The following KMT2C variants were observed in gnomAD, a reference collection of about 807,000 sequenced individuals.
KMT2C encodes the protein histone-lysine N-methyltransferase 2C.
KMT2C carries 88 observed loss-of-function variants against 507.9 expected under a neutral mutation model. The ratio of observed to expected loss-of-function variants is 0.17; its 90% CI spans 0.15 to 0.21. KMT2C has a LOEUF of 0.21. Ranked by LOEUF, KMT2C falls within the 10% of genes least tolerant of loss-of-function variation. The pLI, the probability that KMT2C is intolerant of heterozygous loss-of-function variation, is 1.00. For missense variants in KMT2C, 4,954 were observed against 5,957.8 expected, an observed-to-expected ratio of 0.83 and a Z score of 5.55; for synonymous variants, 2,049 against 2,080.8, an observed-to-expected ratio of 0.98 and a Z score of 0.42.
intron 6 of KMT2C, among the ~76,000 whole-genome samples, chr7:152,308,040 T>G (rs767012379): frequency 1.6e-4 from 25 of 152,232 alleles, no homozygotes; most frequent in Non-Finnish European, 2.6e-4. Context: ...ATCCAGTCTC[T>G]AAGAATGTTC....
chr7:152,166,243 T>A (rs1207935104), intron 42 of KMT2C, among the ~76,000 whole-genome samples: 4 of 151,018 alleles, frequency 2.6e-5, no homozygotes, highest in African/African-American at 9.8e-5. Flanking sequence ...TGCCTCAGCC[T>A]CCCAAATAGC....
At chr7:152,201,774 G>C (rs1468552158) in intron 26 of KMT2C, among the ~76,000 whole-genome samples, 1 of 151,852 alleles carries the variant, frequency 6.6e-6, no homozygotes, top group Non-Finnish European at 1.5e-5. Flanking sequence ...CAAAAAGTAA[G>C]GCACAGGCTA....
At chr7:152,245,647 G>C (rs2095460627) in intron 14 of KMT2C, among the ~76,000 whole-genome samples, 1 of 152,086 alleles carries the variant, frequency 6.6e-6, no homozygotes, top group African/African-American at 2.4e-5. Flanking sequence ...TCACAAACTA[G>C]ATCTTTCAGA....
chr7:152,381,774 A>C (rs2129250364), intron 1 of KMT2C, among the ~76,000 whole-genome samples: 1 of 152,322 alleles, frequency 6.6e-6, no homozygotes, highest in African/African-American at 2.4e-5. Flanking sequence ...AAACTGTGCT[A>C]AAAGCTTTGA....
chr7:152,233,128 A>G (rs1269904758), intron 16 of KMT2C, among the ~76,000 whole-genome samples: 1 of 152,232 alleles, frequency 6.6e-6, no homozygotes, highest in Non-Finnish European at 1.5e-5. Flanking sequence ...ATATTTAAAT[A>G]ATAAGTGCAG....
intron 9 of KMT2C, among the ~76,000 whole-genome samples, chr7:152,255,136 T>TAC (rs1215882463): frequency 8.1e-6 from 1 of 124,114 alleles, no homozygotes; most frequent in African/African-American, 3.4e-5. Context: ...TATATATATA[T>TAC]ATATATATAC....
chr7:152,287,780 T>C (rs1563732175), intron 6 of KMT2C, among the ~76,000 whole-genome samples: 1 of 152,000 alleles, frequency 6.6e-6, no homozygotes, highest in East Asian at 1.9e-4. Context: ...TCCCAGCACT[T>C]TGGGAGGCAG....
intron 2 of KMT2C, among the ~76,000 whole-genome samples, chr7:152,341,042 C>T (rs993993675): frequency 6.6e-6 from 1 of 151,916 alleles, no homozygotes; most frequent in African/African-American, 2.4e-5. Flanking sequence ...TAAAATAAAC[C>T]AACAAATTAC....
Position 152,168,253 on chromosome 7 carries a change from A to T in KMT2C, c.9518-875T>A, listed in dbSNP as rs559647005. On this transcript the variant is annotated intron_variant, in intron 41 of 58. Transcript: ENST00000262189. ...ACATTTCTAAGAAGGACATTCGCTGAAAATAACATCAATGATAACAGAATA... is the reference window on the plus strand; with the variant it reads ...ACATTTCTAAGAAGGACATTCGCTGTAAATAACATCAATGATAACAGAATA... Among the ~76,000 whole-genome samples the T allele has an allele frequency of 2.0e-5, 3 of 152,348 alleles. No homozygotes were observed. The East Asian group carries it at 5.8e-4, about 29-fold the overall frequency.
chr7:152,383,772 G>C (rs1480701141), intron 1 of KMT2C, among the ~76,000 whole-genome samples: 1 of 152,142 alleles, frequency 6.6e-6, no homozygotes, highest in Admixed American at 6.5e-5. Flanking sequence ...GGGGATAACA[G>C]ACCCTACCTT....
Position 152,320,460 on chromosome 7 carries a change from G to A in KMT2C, c.390-5122C>T, listed in dbSNP as rs1298256052. ...GACGGAGTTTTGCCATGGTGGCCAG[G>A]CTGGTCTCAAACTCCTGGCCTCAGG... On this transcript the variant is annotated intron_variant, in intron 3 of 58. Coordinates refer to ENST00000262189, the MANE Select transcript of KMT2C (RefSeq NM_170606.3). Among the ~76,000 whole-genome samples the A allele has an allele frequency of 2.6e-5, 4 of 152,070 alleles. No homozygotes were observed. The East Asian group carries it at 5.8e-4, about 22-fold the overall frequency.
At chr7:152,312,011 T>C in intron 4 of KMT2C, 65 bp from the exon 5 acceptor site, 1 of 1,323,386 alleles carries the variant, frequency 7.6e-7, no homozygotes, top group Non-Finnish European at 1.0e-6. Flanking sequence ...TTTTTAACTG[T>C]TTAAATGCAA....
intron 18 of KMT2C, among the ~76,000 whole-genome samples, chr7:152,226,484 G>A (rs1051755152): frequency 2.2e-4 from 34 of 151,950 alleles, no homozygotes; most frequent in Admixed American, 6.6e-4. Flanking sequence ...CACCTGCCTC[G>A]GCCTCCCAAA....
At chr7:152,358,375 A>G (rs1358866490) in intron 2 of KMT2C, among the ~76,000 whole-genome samples, 1 of 152,204 alleles carries the variant, frequency 6.6e-6, no homozygotes, top group Non-Finnish European at 1.5e-5. Context: ...TAAAATAATT[A>G]TACTAAACCA....
rs1244739072 is a variant in KMT2C at position 152,199,479 on chromosome 7, T to A, written c.4093-20A>T. The stretch of plus-strand genomic sequence containing the variant: ...AGCTTCCTAGATGAAGATAAGCACA[T>A]ACAAAAATGGTTAGAAAATTCTAAA... On this transcript the variant is annotated intron_variant, in intron 26 of 58. Transcript: ENST00000262189. 2 of 1,472,390 alleles carry A rather than the reference T, an allele frequency of 1.4e-6. No individual in the cohort carries two copies. The highest frequency in any genetic ancestry group is 1.5e-5 in the African/African-American group (1 of 64,746). 91.2% of individuals were successfully genotyped at this position (1,472,390 alleles called of 1,614,324 possible).
At chr7:152,245,352 A>C (rs2095453773) in intron 14 of KMT2C, among the ~76,000 whole-genome samples, 1 of 152,202 alleles carries the variant, frequency 6.6e-6, no homozygotes, top group African/African-American at 2.4e-5. Flanking sequence ...ATATGTGACC[A>C]CTGAGCACTT....
At chr7:152,323,645 A>G (rs1279295662) in intron 3 of KMT2C, among the ~76,000 whole-genome samples, 3 of 150,730 alleles carry the variant, frequency 2.0e-5, no homozygotes, top group African/African-American at 7.3e-5. Flanking sequence ...TCAAAGAAAA[A>G]AAAAAAGAGA....
rs2129112686 is a variant in KMT2C, at chr7:152,176,246, T to C, written c.9207A>G (p.Gln3069=). 1 of 1,613,976 alleles carries C rather than the reference T, an allele frequency of 6.2e-7. No homozygotes were observed. The highest frequency in any genetic ancestry group is 2.2e-5 in the East Asian group (1 of 44,880). The stretch of plus-strand genomic sequence containing the variant: ...GACGAATCATGGCTTGCATCTGTCT[T>C]TGCTGCTGCTGTTCTTGCCTTTCTT... ...LDQERQEQQQ[Q]RQMQAMIRQR... The change falls in exon 38 of 59, where the codon CAA becomes CAG. Residue 3069 remains glutamine, a synonymous_variant. Coordinates refer to ENST00000262189, the MANE Select transcript of KMT2C (RefSeq NM_170606.3).
rs1312436888 is a variant in KMT2C at position 152,318,615 on chromosome 7, A to C, written c.390-3277T>G. ...GCCCTCCAACCTGGGCAACAGAGCAAGACTCCATCTCAAAAAAAAAAAAAA... is the reference window on the plus strand; with the variant it reads ...GCCCTCCAACCTGGGCAACAGAGCACGACTCCATCTCAAAAAAAAAAAAAA... On this transcript the variant is annotated intron_variant, in intron 3 of 58. Transcript: ENST00000262189. Among the ~76,000 whole-genome samples the C allele has an allele frequency of 2.8e-5, 4 of 144,648 alleles. No individual in the cohort carries two copies. The East Asian group carries it at 8.4e-4, about 30-fold the overall frequency. The allele number at this position is 144,648 out of a possible 152,430, so 94.9% of individuals were successfully genotyped here.
Sources: allele counts gnomAD v4.1 joint callset (sites outside exome capture counted in the v4.1 genomes callset), GRCh38; gene constraint gnomAD v4.1.1; transcripts MANE v1.5; gene names NCBI Gene and HGNC (gene_info 2026-07-23, HGNC 2026-07-21).